NFIA: variants seen among roughly 807,000 people sequenced by gnomAD.
NFIA encodes nuclear factor 1 A-type.
In NFIA, 8 loss-of-function variants were observed where a neutral mutation model predicts 62.8. That is an observed-to-expected ratio of 0.13 (90% confidence interval 0.07 to 0.23). The LOEUF (loss-of-function observed/expected upper bound fraction) is 0.23. NFIA is among the 10% of genes least tolerant of loss of function. The probability of loss-of-function intolerance (pLI) is 1.00; values close to 1 mark genes in which losing one functional copy is unlikely to be tolerated. For synonymous variants in NFIA, 235 were observed against 238.1 expected, an observed-to-expected ratio of 0.99 and a Z score of 0.12; for missense variants, 410 against 642.1, an observed-to-expected ratio of 0.64 and a Z score of 3.91.
chr1:61,136,706 C>A (rs1337059354), intron 2 of NFIA, among the ~76,000 whole-genome samples: 1 of 152,178 alleles, frequency 6.6e-6, no homozygotes, highest in African/African-American at 2.4e-5. Flanking sequence ...TTTTATGGAT[C>A]TTTATATGCT....
At chr1:61,364,938 G>A (rs1332623311) in intron 6 of NFIA, among the ~76,000 whole-genome samples, 2 of 152,112 alleles carry the variant, frequency 1.3e-5, no homozygotes, top group East Asian at 1.9e-4. Flanking sequence ...AACCCTGGCC[G>A]GGCATGGGGC....
In NFIA at chr1:61,211,267, A is replaced by G. The variant is rs966699925; in HGVS notation, c.560-66253A>G. Among the ~76,000 whole-genome samples the G allele has an allele frequency of 2.7e-4, 41 of 152,306 alleles. 1 individual carries two copies. The South Asian group carries it at 6.0e-3, about 22-fold the overall frequency. ...TGGGAAAATTACAGTACCAGAAGTTATGTTTCTCAGTCATTGAGACCTTAT... is the reference window on the plus strand; with the variant it reads ...TGGGAAAATTACAGTACCAGAAGTTGTGTTTCTCAGTCATTGAGACCTTAT... On this transcript the variant is annotated intron_variant, in intron 2 of 10. Transcript: ENST00000403491.
intron 3 of NFIA, among the ~76,000 whole-genome samples, chr1:61,304,640 A>G (rs1659659929): frequency 6.7e-6 from 1 of 149,040 alleles, no homozygotes; most frequent in South Asian, 2.2e-4. Context: ...TTGTTCTTCA[A>G]ATTCCTGCCA....
At chr1:61,433,229 A>G (rs1028132346) in intron 10 of NFIA, among the ~76,000 whole-genome samples, 2 of 152,192 alleles carry the variant, frequency 1.3e-5, no homozygotes, top group Admixed American at 1.3e-4. Context: ...GTCTCCTGTT[A>G]GTTCATGTCT....
intron 6 of NFIA, among the ~76,000 whole-genome samples, chr1:61,369,972 C>T (rs1663798666): frequency 6.6e-6 from 1 of 151,996 alleles, no homozygotes. Context: ...AAATAAAGTT[C>T]TGTGGTTTTT....
intron 3 of NFIA, among the ~76,000 whole-genome samples, chr1:61,328,017 G>T (rs1385737876): frequency 6.6e-6 from 1 of 151,740 alleles, no homozygotes; most frequent in Non-Finnish European, 1.5e-5. Context: ...GATTAGTGAT[G>T]TTGGGCATTT....
intron 6 of NFIA, among the ~76,000 whole-genome samples, chr1:61,368,736 G>A (rs888671881): frequency 6.6e-5 from 10 of 152,156 alleles, no homozygotes; most frequent in African/African-American, 1.4e-4. Context: ...AAGAAATACT[G>A]TATATCCTTT....
chr1:61,340,217 T>C (rs763138484), intron 4 of NFIA, among the ~76,000 whole-genome samples: 2 of 152,198 alleles, frequency 1.3e-5, no homozygotes, highest in Non-Finnish European at 2.9e-5. Context: ...TACCCCTTGA[T>C]GTACATACTA....
intron 2 of NFIA, among the ~76,000 whole-genome samples, chr1:61,134,315 T>G (rs1647139384): frequency 6.6e-6 from 1 of 151,986 alleles, no homozygotes; most frequent in South Asian, 2.1e-4. Flanking sequence ...TCTTTGCTTC[T>G]CAATTTCTTT....
chr1:61,191,941 T>TTTG (rs372232804), intron 2 of NFIA, among the ~76,000 whole-genome samples: 7 of 145,464 alleles, frequency 4.8e-5, no homozygotes, highest in African/African-American at 1.3e-4. Context: ...AATAACAAGT[T>TTTG]TTGTTGTTGT....
chr1:61,266,757 G>A (rs1427117761), intron 2 of NFIA, among the ~76,000 whole-genome samples: 1 of 152,162 alleles, frequency 6.6e-6, no homozygotes, highest in Admixed American at 6.5e-5. Flanking sequence ...ACATGTGTTA[G>A]TATCTGTATG....
chr1:61,434,506 T>C (rs1264815750), intron 10 of NFIA, among the ~76,000 whole-genome samples: 1 of 152,214 alleles, frequency 6.6e-6, no homozygotes, highest in Admixed American at 6.5e-5. Flanking sequence ...ACAGAGTCTT[T>C]GTCTTTCAAG....
At chr1:61,136,051 A>G (rs969012305) in intron 2 of NFIA, among the ~76,000 whole-genome samples, 19 of 152,308 alleles carry the variant, frequency 1.2e-4, no homozygotes, top group South Asian at 2.1e-4. Flanking sequence ...CACGAGATAT[A>G]CTACATCATG....
At chr1:61,313,553 C>T (rs1660219629) in intron 3 of NFIA, among the ~76,000 whole-genome samples, 1 of 152,144 alleles carries the variant, frequency 6.6e-6, no homozygotes, top group Admixed American at 6.5e-5. Context: ...CACCTCCCAC[C>T]AGGCCACACT....
intron 2 of NFIA, among the ~76,000 whole-genome samples, chr1:61,206,640 A>G (rs1458831894): frequency 6.6e-6 from 1 of 152,210 alleles, no homozygotes; most frequent in Non-Finnish European, 1.5e-5. Flanking sequence ...CTCTGACCAG[A>G]TAGAATTTCT....
intron 10 of NFIA, among the ~76,000 whole-genome samples, chr1:61,436,391 T>C (rs1469223309): frequency 1.3e-5 from 2 of 152,170 alleles, no homozygotes; most frequent in Non-Finnish European, 1.5e-5. Context: ...GTCCACAAAG[T>C]CCTTGCTTGT....
intron 2 of NFIA, among the ~76,000 whole-genome samples, chr1:61,274,220 G>C (rs1380289684): frequency 6.6e-6 from 1 of 152,210 alleles, no homozygotes; most frequent in African/African-American, 2.4e-5. Flanking sequence ...GTTCAATTAA[G>C]AGTTCTTAAC....
chr1:61,088,419 C>T lies in NFIA; in HGVS notation c.298C>T (p.Pro100Ser). 6.2e-7 allele frequency: 1 copy of T among 1,613,938 alleles called. No individual in the cohort carries two copies. The highest frequency in any genetic ancestry group is 8.5e-7 in the Non-Finnish European group (1 of 1,179,994). Residue 100 changes from proline (P) to serine (S), a missense_variant, in exon 2 of 11, where the codon CCT becomes TCT. By Grantham distance (74) the Pro-to-Ser change is moderately conservative. Around this residue, in one of 3 missense-constraint regions of NFIA, gnomAD observed 86 missense variants for 124.6 expected, o/e 0.69. Coordinates refer to ENST00000403491, the MANE Select transcript of NFIA (RefSeq NM_001134673.4). The surrounding 1 kb of genome is among the most constrained non-coding windows in gnomAD (Gnocchi z 4.5). ...TGTTCTTACAGTTACAGGGAAAAAA[C>T]CTCCATGTTGTGTTCTTTCCAACCC... Reference protein sequence around the residue: ...DFVLTVTGKKPPCCVLSNPDQ... With the variant: ...DFVLTVTGKKSPCCVLSNPDQ...
At chr1:61,333,774 G>C (rs1021873307) in intron 4 of NFIA, among the ~76,000 whole-genome samples, 2 of 152,160 alleles carry the variant, frequency 1.3e-5, no homozygotes, top group African/African-American at 4.8e-5. Context: ...GAGGCAGGTG[G>C]ATCACTTGAG....
Sources: gnomAD v4.1 joint callset for allele counts (sites outside exome capture counted in the v4.1 genomes callset) on GRCh38, gnomAD v4.1.1 for gene constraint, gnomAD v4.1.1 regional missense constraint, Gnocchi (gnomAD v3.1) non-coding constraint, MANE v1.5 for transcripts, NCBI Gene and HGNC (gene_info 2026-07-23, HGNC 2026-07-21) for gene names.